MAPK6: variants seen among roughly 807,000 people sequenced by gnomAD.
The protein encoded by MAPK6 is mitogen-activated protein kinase 6.
In MAPK6, 19 loss-of-function variants were observed where a neutral mutation model predicts 59.3. The observed-to-expected ratio is 0.32, with a 90% CI of 0.22 to 0.47. The LOEUF is 0.47. MAPK6 is among the 20% of genes least tolerant of loss of function. The probability of loss-of-function intolerance (pLI) is 1.00; values close to 1 mark genes in which losing one functional copy is unlikely to be tolerated. For missense variants in MAPK6, 724 were observed against 847.9 expected, an observed-to-expected ratio of 0.85 and a Z score of 1.81; for synonymous variants, 316 against 290.3, an observed-to-expected ratio of 1.09 and a Z score of -0.90.
chr15:52,051,207 G>A (rs945068799), intron 3 of MAPK6, among the ~76,000 whole-genome samples: 1 of 152,020 alleles, frequency 6.6e-6, no homozygotes. Context: ...ACAGGCGCCC[G>A]CCCCGTCGCC....
intron 2 of MAPK6, among the ~76,000 whole-genome samples, chr15:52,000,440 TATGAG>T (rs2057238756): frequency 6.6e-6 from 1 of 152,242 alleles, no homozygotes; most frequent in African/African-American, 2.4e-5. Context: ...TAGTGTACTG[TATGAG>T]ATAAGGTCCA....
At chr15:52,000,642 C>G (rs2057239290) in intron 2 of MAPK6, among the ~76,000 whole-genome samples, 1 of 152,010 alleles carries the variant, frequency 6.6e-6, no homozygotes, top group Admixed American at 6.6e-5. Context: ...TCCGTCTCTA[C>G]TGAAAATACA....
intron 2 of MAPK6, among the ~76,000 whole-genome samples, chr15:51,992,917 A>T (rs1382295419): frequency 6.6e-6 from 1 of 152,054 alleles, no homozygotes; most frequent in Non-Finnish European, 1.5e-5. Context: ...GTGTTCACTT[A>T]TCTGGAAGCT....
At chr15:52,049,210 A>G (rs10152475) in intron 2 of MAPK6, among the ~76,000 whole-genome samples, 2 of 152,154 alleles carry the variant, frequency 1.3e-5, no homozygotes, top group African/African-American at 4.8e-5. Context: ...GGAGGTAGAC[A>G]TTGGTTTATA....
At chr15:51,981,202 G>A (rs1157004228) in intron 1 of MAPK6, among the ~76,000 whole-genome samples, 1 of 151,582 alleles carries the variant, frequency 6.6e-6, no homozygotes, top group Non-Finnish European at 1.5e-5. Flanking sequence ...GGCCGGGTGC[G>A]GTGGCTCATG....
chr15:52,033,463 T>C (rs1042440408), intron 1 of MAPK6, among the ~76,000 whole-genome samples: 7 of 152,216 alleles, frequency 4.6e-5, no homozygotes, highest in Non-Finnish European at 1.0e-4. Context: ...CTTCTGTTCC[T>C]CCTGCCCTTG....
At chr15:52,026,586 C>G (rs2141861518) in intron 1 of MAPK6, among the ~76,000 whole-genome samples, 1 of 152,246 alleles carries the variant, frequency 6.6e-6, no homozygotes, top group Middle Eastern at 3.4e-3. Context: ...GCCACCGTGC[C>G]TGGCCTTAAC....
intron 3 of MAPK6, among the ~76,000 whole-genome samples, chr15:52,008,032 A>G (rs2029949418): frequency 6.6e-6 from 1 of 151,986 alleles, no homozygotes; most frequent in African/African-American, 2.4e-5. Flanking sequence ...TTTTCAGTAG[A>G]GACGGGGTTT....
chr15:52,010,212 G>C (rs554986216), intron 3 of MAPK6, among the ~76,000 whole-genome samples: 1 of 152,130 alleles, frequency 6.6e-6, no homozygotes, highest in South Asian at 2.1e-4. Context: ...TCTCCTGAAG[G>C]ATAAGTTGTT....
chr15:51,973,713 C>T (rs2057147956), intron 1 of MAPK6, among the ~76,000 whole-genome samples: 1 of 151,686 alleles, frequency 6.6e-6, no homozygotes, highest in African/African-American at 2.4e-5. Context: ...AGTACAATGG[C>T]GTGATCTCAG....
chr15:52,021,944 A>T (rs1381116344), intron 1 of MAPK6, among the ~76,000 whole-genome samples: 1 of 152,150 alleles, frequency 6.6e-6, no homozygotes, highest in East Asian at 1.9e-4. Flanking sequence ...TAATAAGATA[A>T]ATCTTTTGAC....
chr15:51,994,434 G>C (rs573093824), intron 2 of MAPK6, among the ~76,000 whole-genome samples: 1 of 152,232 alleles, frequency 6.6e-6, no homozygotes, highest in Non-Finnish European at 1.5e-5. Context: ...TATTTTTATA[G>C]AATGTCTTTT....
chr15:52,031,309 G>A (rs1188483172), intron 1 of MAPK6, among the ~76,000 whole-genome samples: 1 of 152,126 alleles, frequency 6.6e-6, no homozygotes, highest in Non-Finnish European at 1.5e-5. Context: ...TACTATACTT[G>A]TCAATAAAAA....
At chr15:51,989,261 T>C in intron 2 of MAPK6, among the ~76,000 whole-genome samples, 1 of 151,926 alleles carries the variant, frequency 6.6e-6, no homozygotes, top group East Asian at 1.9e-4. Flanking sequence ...TGTATTTTTG[T>C]AGAGACCGGA....
intron 1 of MAPK6, among the ~76,000 whole-genome samples, chr15:52,022,876 T>C (rs2030589839): frequency 6.6e-6 from 1 of 151,988 alleles, no homozygotes; most frequent in Non-Finnish European, 1.5e-5. Flanking sequence ...TTTGGGAGGC[T>C]GAGGAGGCAG....
At chr15:51,990,889 A>G (rs1426776501) in intron 2 of MAPK6, among the ~76,000 whole-genome samples, 2 of 152,022 alleles carry the variant, frequency 1.3e-5, no homozygotes, top group Non-Finnish European at 2.9e-5. Flanking sequence ...GGGAGGCGGA[A>G]CTTGCAGTGA....
intron 1 of MAPK6, among the ~76,000 whole-genome samples, chr15:52,039,164 C>T (rs1028388080): frequency 6.6e-6 from 1 of 152,106 alleles, no homozygotes; most frequent in East Asian, 1.9e-4. Context: ...AGTGCACCAC[C>T]ATGCCAAGCT....
chr15:52,031,110 T>C (rs2031014988), intron 1 of MAPK6, among the ~76,000 whole-genome samples: 1 of 152,006 alleles, frequency 6.6e-6, no homozygotes, highest in Admixed American at 6.6e-5. Context: ...TTTGTATTTT[T>C]AGTAGAGAGA....
chr15:52,034,654 T>C (rs950096076), intron 1 of MAPK6, among the ~76,000 whole-genome samples: 2 of 152,102 alleles, frequency 1.3e-5, no homozygotes, highest in African/African-American at 4.8e-5. Context: ...CACTTTTCTT[T>C]TTGTTTTCAA....
Sources: gnomAD v4.1 joint callset for allele counts (sites outside exome capture counted in the v4.1 genomes callset) on GRCh38, gnomAD v4.1.1 for gene constraint, MANE v1.5 for transcripts, NCBI Gene and HGNC (gene_info 2026-07-23, HGNC 2026-07-21) for gene names.